NXPH1: variants seen among roughly 807,000 people sequenced by gnomAD.
The protein encoded by NXPH1 is neurexophilin-1.
Under a neutral mutation model 23.7 loss-of-function variants are expected in NXPH1, and 5 were observed. The ratio of observed to expected loss-of-function variants is 0.21; its 90% CI spans 0.11 to 0.44. The LOEUF is 0.44. Ranked by LOEUF, NXPH1 falls within the 20% of genes least tolerant of loss-of-function variation. NXPH1 has a pLI of 0.99. For missense variants in NXPH1, 324 were observed against 321.6 expected (o/e 1.01, Z -0.06); for synonymous variants, 144 against 122.2 (o/e 1.18, Z -1.18).
At position 8,659,966 on chromosome 7, in the gene NXPH1, G is replaced by A. The variant is rs150701229; in HGVS notation, c.55-91042G>A. 1.8e-3 allele frequency among the ~76,000 whole-genome samples: 279 copies of A among 152,248 alleles called. 1 individual carries two copies. The highest frequency in any genetic ancestry group is 6.3e-3 in the African/African-American group (263 of 41,550). On this transcript the variant is annotated intron_variant, in intron 2 of 2. Transcript: ENST00000405863. ...GGGACATTTCATAATACAGAGAGAC[G>A]TGCTGGGATGGTATTGGCGTCAAGT...
At chr7:8,608,620 A>T (rs916900935) in intron 2 of NXPH1, among the ~76,000 whole-genome samples, 2 of 152,118 alleles carry the variant, frequency 1.3e-5, no homozygotes, top group Non-Finnish European at 2.9e-5. Context: ...GTATTTTTTT[A>T]AAAATATGGA....
intron 2 of NXPH1, among the ~76,000 whole-genome samples, chr7:8,710,297 C>T (rs1468178046): frequency 6.6e-6 from 1 of 152,162 alleles, no homozygotes; most frequent in Non-Finnish European, 1.5e-5. Context: ...GCTCAAAGTC[C>T]CTGCTGTTAA....
intron 2 of NXPH1, among the ~76,000 whole-genome samples, chr7:8,734,574 C>T (rs9640074): frequency 0.073 from 11,038 of 151,798 alleles, 497 homozygotes; most frequent in East Asian, 0.17. Flanking sequence ...TTATGATTTC[C>T]GTTCTTTTGT....
chr7:8,497,284 C>T (rs1185303086), intron 2 of NXPH1, among the ~76,000 whole-genome samples: 2 of 152,034 alleles, frequency 1.3e-5, no homozygotes, highest in Admixed American at 6.6e-5. Context: ...GGGTTGGTTC[C>T]AAGTCTTTGT....
At chr7:8,463,134 C>T (rs946337514) in intron 2 of NXPH1, among the ~76,000 whole-genome samples, 8 of 152,058 alleles carry the variant, frequency 5.3e-5, no homozygotes, top group Non-Finnish European at 1.2e-4. Context: ...ATAGCCAAGG[C>T]AATGGAAAAT....
intron 2 of NXPH1, among the ~76,000 whole-genome samples, chr7:8,521,022 A>G (rs1357172464): frequency 6.6e-6 from 1 of 152,178 alleles, no homozygotes; most frequent in Non-Finnish European, 1.5e-5. Context: ...GCAAAGAGCT[A>G]TGGAAGAGAC....
chr7:8,684,862 A>G (rs923300556), intron 2 of NXPH1, among the ~76,000 whole-genome samples: 1 of 152,168 alleles, frequency 6.6e-6, no homozygotes, highest in African/African-American at 2.4e-5. Context: ...TTGCTGTGTT[A>G]ATTATTTAAC....
intron 2 of NXPH1, among the ~76,000 whole-genome samples, chr7:8,685,364 T>G (rs1274741111): frequency 6.6e-6 from 1 of 152,078 alleles, no homozygotes; most frequent in South Asian, 2.1e-4. Context: ...ATTTTTATCT[T>G]TCTGTGCCTG....
At chr7:8,561,719 AG>A (rs1343339260) in intron 2 of NXPH1, among the ~76,000 whole-genome samples, 2 of 151,610 alleles carry the variant, frequency 1.3e-5, no homozygotes, top group Admixed American at 1.3e-4. Flanking sequence ...GGTTTTGTAA[AG>A]GTCCATGAGT....
At position 8,523,406 on chromosome 7, in the gene NXPH1, T is replaced by C. The variant is rs115970652; in HGVS notation, c.54+87639T>C. 3.4e-3 allele frequency among the ~76,000 whole-genome samples: 518 copies of C among 152,330 alleles called. 3 individuals carry two copies. The highest frequency in any genetic ancestry group is 0.012 in the African/African-American group (485 of 41,586). On this transcript the variant is annotated intron_variant, in intron 2 of 2. Transcript: ENST00000405863. Reference sequence around the variant, plus strand: ...AGAGTCTTTTCTTCTCTCATGATTGTACAAAAATAACTGAAGGATTTGATA... The same window carrying C: ...AGAGTCTTTTCTTCTCTCATGATTGCACAAAAATAACTGAAGGATTTGATA...
At chr7:8,728,148 T>G (rs1375670320) in intron 2 of NXPH1, among the ~76,000 whole-genome samples, 4 of 151,764 alleles carry the variant, frequency 2.6e-5, no homozygotes, top group Non-Finnish European at 5.9e-5. Flanking sequence ...TTGTCTGTTG[T>G]TGGTGTATAA....
chr7:8,513,888 C>T (rs1253778409), intron 2 of NXPH1, among the ~76,000 whole-genome samples: 2 of 152,102 alleles, frequency 1.3e-5, no homozygotes, highest in Admixed American at 1.3e-4. Flanking sequence ...GTTCTGGAGA[C>T]TACAAGTCTG....
intron 2 of NXPH1, among the ~76,000 whole-genome samples, chr7:8,450,002 C>T (rs1193942709): frequency 6.6e-6 from 1 of 152,188 alleles, no homozygotes; most frequent in East Asian, 1.9e-4. Context: ...CATCTATTGA[C>T]CTGACCAATA....
chr7:8,682,955 G>A (rs1821081000), intron 2 of NXPH1, among the ~76,000 whole-genome samples: 1 of 152,226 alleles, frequency 6.6e-6, no homozygotes, highest in African/African-American at 2.4e-5. Flanking sequence ...CTGGGTTCTA[G>A]CTCTCATTCA....
intron 2 of NXPH1, among the ~76,000 whole-genome samples, chr7:8,520,311 A>G (rs893877063): frequency 4.6e-5 from 7 of 152,148 alleles, no homozygotes; most frequent in African/African-American, 1.7e-4. Context: ...CTTCTTTTTA[A>G]GGGGAAAAGC....
At chr7:8,460,891 A>G (rs1476893626) in intron 2 of NXPH1, among the ~76,000 whole-genome samples, 2 of 152,346 alleles carry the variant, frequency 1.3e-5, no homozygotes, top group South Asian at 2.1e-4. Context: ...GTGAAAAATC[A>G]ATGAAATAAT....
intron 2 of NXPH1, among the ~76,000 whole-genome samples, chr7:8,455,557 G>A (rs1816580368): frequency 6.6e-6 from 1 of 152,184 alleles, no homozygotes; most frequent in African/African-American, 2.4e-5. Context: ...CCCTCTTTCT[G>A]TACACCATCT....
chr7:8,557,153 GT>G (rs1366048705), intron 2 of NXPH1, among the ~76,000 whole-genome samples: 1 of 151,638 alleles, frequency 6.6e-6, no homozygotes, highest in Non-Finnish European at 1.5e-5. Context: ...CTGTGTTTGG[GT>G]CCATACATGT....
At chr7:8,578,579 T>A (rs1216875059) in intron 2 of NXPH1, among the ~76,000 whole-genome samples, 1 of 152,190 alleles carries the variant, frequency 6.6e-6, no homozygotes, top group East Asian at 1.9e-4. Context: ...GCAGAGCAGA[T>A]TTTATAGATA....
Sources: gnomAD v4.1 joint callset for allele counts (sites outside exome capture counted in the v4.1 genomes callset) on GRCh38, gnomAD v4.1.1 for gene constraint, MANE v1.5 for transcripts, NCBI Gene and HGNC (gene_info 2026-07-23, HGNC 2026-07-21) for gene names.